The following LRRFIP2 variants were observed in gnomAD, a reference collection of about 807,000 sequenced individuals.
LRRFIP2 encodes the protein leucine-rich repeat flightless-interacting protein 2.
In LRRFIP2, 109 loss-of-function variants were observed where a neutral mutation model predicts 125.9. That is an observed-to-expected ratio of 0.87 (90% CI 0.74 to 1.01). LRRFIP2 has a LOEUF of 1.01. LRRFIP2 is among the 50% of genes least tolerant of loss of function. LRRFIP2 has a pLI of 0.00. For synonymous variants in LRRFIP2, 291 were observed against 293.1 expected (o/e 0.99, Z 0.07); for missense variants, 850 against 862.3 (o/e 0.99, Z 0.18).
chr3:37,116,341 T>C (rs1304816768), intron 6 of LRRFIP2, among the ~76,000 whole-genome samples: 2 of 152,038 alleles, frequency 1.3e-5, no homozygotes, highest in African/African-American at 4.8e-5. Context: ...CTTGCTATGT[T>C]GCCCAGGTTG....
chr3:37,152,569 G>A (rs560272353), intron 1 of LRRFIP2, among the ~76,000 whole-genome samples: 3 of 152,002 alleles, frequency 2.0e-5, no homozygotes, highest in South Asian at 2.1e-4. Flanking sequence ...TCAGCCTCCC[G>A]AGTAGCTGGG....
At chr3:37,131,146 G>C (rs2095417650) in intron 2 of LRRFIP2, among the ~76,000 whole-genome samples, 1 of 152,162 alleles carries the variant, frequency 6.6e-6, no homozygotes, top group African/African-American at 2.4e-5. Flanking sequence ...TATCTCCCAT[G>C]GATTGGAGGG....
At position 37,115,047 on chromosome 3, in the gene LRRFIP2, T is replaced by A; in HGVS notation, c.372+7A>T. ...CCACATATAACACAAAGTCATGTGC[T>A]ACATACTAATGATGAAAGTCTTGAT... On this transcript the variant is annotated splice_region_variant and intron_variant, in intron 7 of 27. Transcript: ENST00000336686. The A allele has an allele frequency of 6.3e-7, 1 of 1,599,590 alleles. No homozygotes were observed.
chr3:37,059,948 A>G (rs2088088622), intron 24 of LRRFIP2, among the ~76,000 whole-genome samples: 1 of 152,084 alleles, frequency 6.6e-6, no homozygotes, highest in Non-Finnish European at 1.5e-5. Flanking sequence ...GACTAACTCT[A>G]TACTTCCCAG....
intron 2 of LRRFIP2, among the ~76,000 whole-genome samples, chr3:37,142,948 G>C (rs750977475): frequency 1.3e-5 from 2 of 152,262 alleles, no homozygotes; most frequent in Non-Finnish European, 2.9e-5. Context: ...CCTGGTGGGA[G>C]GTATTTGGGT....
At chr3:37,162,888 G>T (rs2150270234) in intron 1 of LRRFIP2, among the ~76,000 whole-genome samples, 1 of 152,320 alleles carries the variant, frequency 6.6e-6, no homozygotes, top group South Asian at 2.1e-4. Context: ...TGTTGATAAA[G>T]TTCCTGGAGC....
At chr3:37,063,938 A>C (rs2089471930) in intron 23 of LRRFIP2, 147 bp from the exon 24 acceptor site, 7 of 633,712 alleles carry the variant, frequency 1.1e-5, no homozygotes, top group Non-Finnish European at 1.1e-5. Flanking sequence ...TAAAGGTGTT[A>C]ATAGCATTAC....
chr3:37,169,500 A>T (rs949033743), intron 1 of LRRFIP2, among the ~76,000 whole-genome samples: 2 of 152,258 alleles, frequency 1.3e-5, no homozygotes, highest in African/African-American at 2.4e-5. Flanking sequence ...CTCACTTTTT[A>T]AAAAAAGCAA....
rs1211758087 is a variant in LRRFIP2, at chr3:37,052,646, TTTTA to T, written c.*1201_*1204del. ...TTAAAAAAGGAACAAATATTAGAGA[TTTTA>T]TTCACTTTTGAGTTACCTTTTTAAA... On this transcript the variant is annotated 3_prime_UTR_variant, in exon 28 of 28. Coordinates refer to ENST00000336686, the MANE Select transcript of LRRFIP2 (RefSeq NM_006309.4). 1.3e-5 allele frequency: 2 copies of T among 152,236 alleles called. No homozygotes were observed. Among genetic ancestry groups the T allele is most frequent in the African/African-American group, 4.8e-5 (2 of 41,468 alleles). The allele number at this position is 152,236 out of a possible 1,614,324, so 9.4% of individuals were successfully genotyped here.
rs1272934926 is a variant in LRRFIP2 at position 37,091,317 on chromosome 3, C to T, written c.1107+150G>A. 4 of 491,120 alleles carry T rather than the reference C, an allele frequency of 8.1e-6. No individual in the cohort carries two copies. The East Asian group carries it at 1.3e-4, about 16-fold the overall frequency. The allele number at this position is 491,120 out of a possible 1,614,324, so 30.4% of individuals were successfully genotyped here. On this transcript the variant is annotated intron_variant, in intron 18 of 27. Coordinates refer to ENST00000336686, the MANE Select transcript of LRRFIP2 (RefSeq NM_006309.4). ...ACATAAGCAGAGATTGAAAGTTCAC[C>T]ATTCCTATGCACTGCAGGTTAAGCA...
chr3:37,156,768 T>C (rs1466003290), intron 1 of LRRFIP2, among the ~76,000 whole-genome samples: 2 of 113,928 alleles, frequency 1.8e-5, no homozygotes, highest in African/African-American at 3.5e-5. Flanking sequence ...AAATCTAGAG[T>C]GGAAAAGAAA....
At chr3:37,137,230 G>A (rs552136406) in intron 2 of LRRFIP2, among the ~76,000 whole-genome samples, 7 of 152,002 alleles carry the variant, frequency 4.6e-5, no homozygotes, top group South Asian at 4.2e-4. Flanking sequence ...TGCATGCCTC[G>A]GCCTCCCAAA....
chr3:37,083,262 T>C (rs1167227438), intron 19 of LRRFIP2, among the ~76,000 whole-genome samples: 6 of 152,132 alleles, frequency 3.9e-5, no homozygotes, highest in Admixed American at 3.3e-4. Flanking sequence ...CAGAAGTTCA[T>C]AGAAAAAAAA....
intron 17 of LRRFIP2, among the ~76,000 whole-genome samples, chr3:37,091,796 G>A (rs1257073627): frequency 6.6e-6 from 1 of 152,164 alleles, no homozygotes; most frequent in Non-Finnish European, 1.5e-5. Flanking sequence ...TAATAACAGT[G>A]TAGCAAATGG....
Position 37,148,978 on chromosome 3 carries a change from C to T in LRRFIP2, c.6G>A (p.Gly2=), listed in dbSNP as rs1219137130. ...TTCTTTTCCTTCCAGAAGCAGGAGT[C>T]CCCATCTTGTGTTCTTAATAGTCTT... The part of the protein sequence containing the change: M[G]TPASGRKRTP... Residue 2 remains glycine, a synonymous_variant, in exon 2 of 28, where the codon GGG becomes GGA. Transcript: ENST00000336686. 1 of 1,613,864 alleles carries T rather than the reference C, an allele frequency of 6.2e-7. No individual in the cohort carries two copies. Among genetic ancestry groups the T allele is most frequent in the Non-Finnish European group, 8.5e-7 (1 of 1,179,848 alleles).
chr3:37,074,495 T>C (rs1283681406), intron 20 of LRRFIP2, among the ~76,000 whole-genome samples: 1 of 152,196 alleles, frequency 6.6e-6, no homozygotes, highest in Non-Finnish European at 1.5e-5. Context: ...GAGTTCTTGG[T>C]AGACTATGCT....
At chr3:37,081,128 T>C (rs2092607193) in intron 19 of LRRFIP2, among the ~76,000 whole-genome samples, 1 of 152,230 alleles carries the variant, frequency 6.6e-6, no homozygotes, top group African/African-American at 2.4e-5. Context: ...CATGGTAGCA[T>C]GTGCCTACAG....
chr3:37,114,959 C>G lies in LRRFIP2; in HGVS notation c.372+95G>C, dbSNP rs768740977. ...ACACATTTTCCCCAAAAGTTCATAA[C>G]AAAGCCATGAAAGTTAGTCATATTC... On this transcript the variant is annotated intron_variant, in intron 7 of 27. Coordinates refer to ENST00000336686, the MANE Select transcript of LRRFIP2 (RefSeq NM_006309.4). The G allele has an allele frequency of 1.0e-4, 104 of 1,004,240 alleles. 1 individual carries two copies. The highest frequency in any genetic ancestry group is 1.6e-4 in the Non-Finnish European group (101 of 645,468). 62.2% of individuals were successfully genotyped at this position (1,004,240 alleles called of 1,614,324 possible).
chr3:37,101,166 G>A (rs1477423952), intron 15 of LRRFIP2, among the ~76,000 whole-genome samples: 1 of 151,580 alleles, frequency 6.6e-6, no homozygotes, highest in Admixed American at 6.6e-5. Context: ...GACCAACCTG[G>A]CCAAGATGGT....
Sources: allele counts gnomAD v4.1 joint callset (sites outside exome capture counted in the v4.1 genomes callset), GRCh38; gene constraint gnomAD v4.1.1; transcripts MANE v1.5; gene names NCBI Gene and HGNC (gene_info 2026-07-23, HGNC 2026-07-21).